Variants in ELMO1 observed in about 807,000 individuals in gnomAD.
The protein encoded by ELMO1 is engulfment and cell motility protein 1.
Under a neutral mutation model 98.9 loss-of-function variants are expected in ELMO1, and 26 were observed. The observed-to-expected ratio is 0.26, with a 90% confidence interval of 0.19 to 0.36. ELMO1 has a LOEUF of 0.36. Among genes scored for constraint, ELMO1 ranks in the 10% least tolerant of loss-of-function variants. The probability of loss-of-function intolerance (pLI) is 1.00; values close to 1 mark genes in which losing one functional copy is unlikely to be tolerated. For synonymous variants in ELMO1, 346 were observed against 346.0 expected (o/e 1.00, Z 0.00); for missense variants, 627 against 935.2 (o/e 0.67, Z 4.30).
intron 16 of ELMO1, among the ~76,000 whole-genome samples, chr7:36,917,180 C>T (rs73340217): frequency 0.013 from 1,922 of 152,256 alleles, 33 homozygotes; most frequent in African/African-American, 0.043. Context: ...TCAAATCCTG[C>T]TGCTAGGTAG....
At chr7:36,890,444 T>C (rs1396518186) in intron 17 of ELMO1, among the ~76,000 whole-genome samples, 3 of 152,164 alleles carry the variant, frequency 2.0e-5, no homozygotes, top group Non-Finnish European at 2.9e-5. Flanking sequence ...GACTGTCTAA[T>C]TGGACGTCTC....
intron 1 of ELMO1, among the ~76,000 whole-genome samples, chr7:37,344,632 G>C (rs1272853640): frequency 2.0e-5 from 3 of 152,168 alleles, no homozygotes; most frequent in East Asian, 3.8e-4. Flanking sequence ...AGTTAATATT[G>C]ATAGCCATTT....
Position 37,122,615 on chromosome 7 carries a change from A to G in ELMO1, c.1191+10515T>C, listed in dbSNP as rs550036729. Among the ~76,000 whole-genome samples the G allele has an allele frequency of 2.6e-5, 4 of 152,352 alleles. No homozygotes were observed. In the South Asian group the frequency reaches 8.3e-4, roughly 32 times the overall value. ...TCCTAAATATATATGCACCCAATAC[A>G]GGAGCACCAGATTCATAAAGCAAGT... is the stretch of plus-strand genomic sequence containing the variant. On this transcript the variant is annotated intron_variant, in intron 14 of 21. Transcript: ENST00000310758.
intron 2 of ELMO1, among the ~76,000 whole-genome samples, chr7:37,329,915 T>C (rs1800013018): frequency 6.6e-6 from 1 of 152,256 alleles, no homozygotes; most frequent in South Asian, 2.1e-4. Context: ...TTGATTGGGC[T>C]ACTGCAAGAG....
intron 1 of ELMO1, among the ~76,000 whole-genome samples, chr7:37,363,047 A>T (rs76986765): frequency 0.081 from 12,334 of 152,276 alleles, 610 homozygotes; most frequent in Middle Eastern, 0.11. Context: ...TTTGCAAGAC[A>T]GCAAACTCTG....
chr7:36,899,682 A>ATTTTTTTTTTTTTTTTTTTTTTTTTTTTT (rs1178774148), intron 16 of ELMO1, among the ~76,000 whole-genome samples: 1 of 5,396 alleles, frequency 1.9e-4, no homozygotes, highest in Non-Finnish European at 4.1e-4. Flanking sequence ...ATCTTTACTC[A>ATTTTTTTTTTTTTTTTTTTTTTTTTTTTT]TCTTTTTTTT....
chr7:37,424,690 T>C (rs1325005019), intron 1 of ELMO1, among the ~76,000 whole-genome samples: 1 of 152,142 alleles, frequency 6.6e-6, no homozygotes, highest in East Asian at 1.9e-4. Context: ...TTTTCAAACA[T>C]TACTCATTTC....
chr7:37,287,088 G>T lies in ELMO1; in HGVS notation c.193-15206C>A, dbSNP rs1164884217. ...TATGCCTATAGTTCCAGCTATTTGA[G>T]AGGCTGAGACAGAAGGATCGCTTGA... On this transcript the variant is annotated intron_variant, in intron 4 of 21. Transcript: ENST00000310758. 4.6e-5 allele frequency among the ~76,000 whole-genome samples: 7 copies of T among 151,794 alleles called. No individual in the cohort carries two copies. The South Asian group carries it at 1.2e-3, about 27-fold the overall frequency.
At chr7:36,974,725 G>T (rs996720843) in intron 16 of ELMO1, among the ~76,000 whole-genome samples, 33 of 152,184 alleles carry the variant, frequency 2.2e-4, no homozygotes, top group African/African-American at 7.0e-4. Context: ...CACTGGGGAA[G>T]CTTTGTTCTT....
At chr7:36,996,413 C>T (rs939059886) in intron 16 of ELMO1, among the ~76,000 whole-genome samples, 1 of 148,884 alleles carries the variant, frequency 6.7e-6, no homozygotes, top group Admixed American at 6.8e-5. Flanking sequence ...ATTTGTTAAG[C>T]TCATATATAT....
intron 4 of ELMO1, among the ~76,000 whole-genome samples, chr7:37,303,087 C>A (rs1322783903): frequency 1.3e-5 from 2 of 152,082 alleles, no homozygotes; most frequent in African/African-American, 4.8e-5. Flanking sequence ...CCTTGGGTCA[C>A]CAGTTTATGC....
At chr7:37,175,886 A>G (rs1199264817) in intron 13 of ELMO1, among the ~76,000 whole-genome samples, 1 of 152,110 alleles carries the variant, frequency 6.6e-6, no homozygotes. Context: ...CAAACGACTC[A>G]TGATCACTTT....
intron 14 of ELMO1, among the ~76,000 whole-genome samples, chr7:37,097,116 A>G (rs1293291951): frequency 6.6e-6 from 1 of 152,158 alleles, no homozygotes; most frequent in East Asian, 1.9e-4. Flanking sequence ...TCAAACTTCA[A>G]TAGGATATTT....
chr7:37,090,093 GC>G (rs1412765842), intron 15 of ELMO1, among the ~76,000 whole-genome samples: 1 of 152,158 alleles, frequency 6.6e-6, no homozygotes, highest in Non-Finnish European at 1.5e-5. Context: ...TGTGAAGGTA[GC>G]CATCATCTTG....
chr7:37,221,113 G>T (rs13225755), intron 10 of ELMO1, among the ~76,000 whole-genome samples: 12,280 of 152,166 alleles, frequency 0.081, 723 homozygotes, highest in South Asian at 0.22. Context: ...GCCACGGTAA[G>T]ACTGCCCCTA....
intron 15 of ELMO1, among the ~76,000 whole-genome samples, chr7:37,090,968 G>C (rs1041257251): frequency 2.6e-5 from 4 of 152,170 alleles, no homozygotes; most frequent in African/African-American, 9.7e-5. Flanking sequence ...ATGAATGAGT[G>C]AGGAAAATAA....
At chr7:36,934,531 T>G (rs974877558) in intron 16 of ELMO1, among the ~76,000 whole-genome samples, 1 of 152,198 alleles carries the variant, frequency 6.6e-6, no homozygotes, top group Non-Finnish European at 1.5e-5. Flanking sequence ...CTTTTGGGCA[T>G]TATAAAAGTT....
At chr7:37,309,258 C>T (rs546416945) in intron 4 of ELMO1, among the ~76,000 whole-genome samples, 1 of 152,230 alleles carries the variant, frequency 6.6e-6, no homozygotes, top group Admixed American at 6.5e-5. Context: ...AGGGGTTTCC[C>T]CTTATAGAAC....
intron 16 of ELMO1, among the ~76,000 whole-genome samples, chr7:37,011,235 G>A (rs188201853): frequency 4.6e-5 from 7 of 152,326 alleles, no homozygotes; most frequent in Admixed American, 3.9e-4. Context: ...GGGGCTTGCT[G>A]TCACCTGGCA....
Sources: gnomAD v4.1 joint callset for allele counts (sites outside exome capture counted in the v4.1 genomes callset) on GRCh38, gnomAD v4.1.1 for gene constraint, MANE v1.5 for transcripts, NCBI Gene and HGNC (gene_info 2026-07-23, HGNC 2026-07-21) for gene names.